The following MLLT3 variants were observed in gnomAD, a reference collection of about 807,000 sequenced individuals.
MLLT3 encodes the protein protein AF-9.
A neutral mutation model predicts 53.2 loss-of-function variants in MLLT3; 4 were observed. The observed-to-expected ratio is 0.08, with a 90% CI of 0.04 to 0.17. The LOEUF (loss-of-function observed/expected upper bound fraction) is 0.17, where lower values mean the gene tolerates loss of function less well. Among genes scored for constraint, MLLT3 ranks in the 10% least tolerant of loss-of-function variants. The probability of loss-of-function intolerance (pLI) is 1.00; values close to 1 mark genes in which losing one functional copy is unlikely to be tolerated. For missense variants in MLLT3, 569 were observed against 684.0 expected, an observed-to-expected ratio of 0.83 and a Z score of 1.87; for synonymous variants, 283 against 230.6, an observed-to-expected ratio of 1.23 and a Z score of -2.06.
intron 2 of MLLT3, among the ~76,000 whole-genome samples, chr9:20,517,460 A>G (rs1051786795): frequency 1.1e-4 from 16 of 152,100 alleles, no homozygotes; most frequent in Non-Finnish European, 4.4e-5. Flanking sequence ...TGTCTCAAAA[A>G]AAAAAAAAAG....
rs1327656991 is a variant in MLLT3, at chr9:20,420,501, T to TA, written c.421-6077dup. Among the ~76,000 whole-genome samples the TA allele has an allele frequency of 3.3e-5, 5 of 152,240 alleles. No individual in the cohort carries two copies. The South Asian group carries it at 6.2e-4, about 19-fold the overall frequency. The stretch of plus-strand genomic sequence containing the variant: ...TCAACGTTGAGAGTACCAAATAGGA[T>TA]AAAAAATGTAAAAATCTAAATTATA... On this transcript the variant is annotated intron_variant, in intron 4 of 10. Transcript: ENST00000380338.
chr9:20,438,993 A>G (rs1451841364), intron 4 of MLLT3, among the ~76,000 whole-genome samples: 2 of 152,172 alleles, frequency 1.3e-5, no homozygotes, highest in Admixed American at 6.6e-5. Context: ...CTATAGTGAA[A>G]GGGAAGGTGT....
chr9:20,412,776 G>GA (rs1822762258), intron 5 of MLLT3, among the ~76,000 whole-genome samples: 1 of 152,046 alleles, frequency 6.6e-6, no homozygotes, highest in East Asian at 1.9e-4. Context: ...GCCAAAATTA[G>GA]AAAAAATAGT....
At chr9:20,585,074 C>G (rs1819916131) in intron 2 of MLLT3, among the ~76,000 whole-genome samples, 1 of 152,136 alleles carries the variant, frequency 6.6e-6, no homozygotes, top group Non-Finnish European at 1.5e-5. Context: ...TTCAGGTTGC[C>G]TTAACAAAAT....
intron 5 of MLLT3, among the ~76,000 whole-genome samples, chr9:20,412,919 C>A (rs1203706822): frequency 1.3e-5 from 2 of 152,142 alleles, no homozygotes; most frequent in Non-Finnish European, 2.9e-5. Flanking sequence ...CTGAAAATCC[C>A]TTCCACTGCT....
chr9:20,608,861 C>T (rs546587294), intron 2 of MLLT3, among the ~76,000 whole-genome samples: 47 of 152,084 alleles, frequency 3.1e-4, no homozygotes, highest in African/African-American at 1.0e-3. Context: ...TAAGAAGTTC[C>T]TGATATCCCA....
At chr9:20,562,244 G>C (rs1178789464) in intron 2 of MLLT3, among the ~76,000 whole-genome samples, 1 of 151,940 alleles carries the variant, frequency 6.6e-6, no homozygotes, top group East Asian at 1.9e-4. Context: ...CCAGCCATTG[G>C]CTACACAGAA....
In MLLT3 at chr9:20,620,941, A is replaced by T; in HGVS notation, c.13-107T>A. The T allele has an allele frequency of 8.1e-7, 1 of 1,242,212 alleles. No homozygotes were observed. The highest frequency in any genetic ancestry group is 1.2e-6 in the Non-Finnish European group (1 of 867,888). The allele number at this position is 1,242,212 out of a possible 1,614,324, so 76.9% of individuals were successfully genotyped here. ...TCCTCCTTCTTGAAACGCACATAAA[A>T]GGAAACGGCGGTGCCCTCTGCATCC... On this transcript the variant is annotated intron_variant, in intron 1 of 10. Transcript: ENST00000380338. The surrounding 1 kb of genome is among the most constrained non-coding windows in gnomAD (Gnocchi z 6.1).
chr9:20,423,474 C>T (rs556707959), intron 4 of MLLT3, among the ~76,000 whole-genome samples: 1 of 152,160 alleles, frequency 6.6e-6, no homozygotes, highest in African/African-American at 2.4e-5. Context: ...CCCCCCATAT[C>T]CAAGGGTTCT....
chr9:20,496,401 C>G (rs2118930797), intron 2 of MLLT3, among the ~76,000 whole-genome samples: 1 of 152,256 alleles, frequency 6.6e-6, no homozygotes, highest in South Asian at 2.1e-4. Flanking sequence ...CTGGAAAGAT[C>G]TAGGCTTATA....
intron 2 of MLLT3, among the ~76,000 whole-genome samples, chr9:20,596,437 C>T (rs1280052374): frequency 6.6e-6 from 1 of 152,194 alleles, no homozygotes; most frequent in East Asian, 1.9e-4. Context: ...CGCCTATAAT[C>T]CCAGCACTTT....
At chr9:20,431,422 A>T (rs1463776700) in intron 4 of MLLT3, among the ~76,000 whole-genome samples, 1 of 152,134 alleles carries the variant, frequency 6.6e-6, no homozygotes, top group African/African-American at 2.4e-5. Flanking sequence ...TTCAAACAGA[A>T]CTGGTTTAGG....
chr9:20,410,229 G>A (rs564025857), intron 5 of MLLT3, among the ~76,000 whole-genome samples: 9 of 152,062 alleles, frequency 5.9e-5, no homozygotes, highest in African/African-American at 2.2e-4. Flanking sequence ...AAGGACACCA[G>A]AGTTCTGCAA....
chr9:20,407,046 C>A (rs1822596528), intron 5 of MLLT3, among the ~76,000 whole-genome samples: 1 of 152,178 alleles, frequency 6.6e-6, no homozygotes. Context: ...AAGAAAACAA[C>A]CCTCTGTCTA....
In MLLT3 at chr9:20,448,257, T is replaced by G. The variant is rs1346255789; in HGVS notation, c.286A>C (p.Arg96=). The change falls in exon 4 of 11, where the codon AGG becomes CGG. Residue 96 remains arginine, a synonymous_variant. Coordinates refer to ENST00000380338, the MANE Select transcript of MLLT3 (RefSeq NM_004529.4). This position sits in a 1 kb window ranked among gnomAD's most constrained non-coding sequence, Gnocchi z 4.0. ...AAGTCATAATCAAAGCGGACTTTCC[T>G]AGGTTCTTCCTGGAGGTTAACAAAA... is the stretch of plus-strand genomic sequence containing the variant. The part of the protein sequence containing the change: ...EVYFKNKEEP[R]KVRFDYDLFL... The G allele has an allele frequency of 6.2e-7, 1 of 1,612,816 alleles. No homozygotes were observed. Among genetic ancestry groups the G allele is most frequent in the South Asian group, 1.1e-5 (1 of 90,762 alleles).
chr9:20,594,207 C>G (rs1293616720), intron 2 of MLLT3, among the ~76,000 whole-genome samples: 1 of 152,106 alleles, frequency 6.6e-6, no homozygotes, highest in Non-Finnish European at 1.5e-5. Context: ...TCCCAAAGTG[C>G]TGGGATTACA....
In MLLT3 at chr9:20,620,955, C is replaced by A; in HGVS notation, c.13-121G>T. On this transcript the variant is annotated intron_variant, in intron 1 of 10. Transcript: ENST00000380338. This position sits in a 1 kb window ranked among gnomAD's most constrained non-coding sequence, Gnocchi z 6.1. Reference sequence around the variant, plus strand: ...ACGCACATAAAAGGAAACGGCGGTGCCCTCTGCATCCACGTTTCACGCGCG... The same window carrying A: ...ACGCACATAAAAGGAAACGGCGGTGACCTCTGCATCCACGTTTCACGCGCG... 8.9e-7 allele frequency: 1 copy of A among 1,123,118 alleles called. No individual in the cohort carries two copies. Among genetic ancestry groups the A allele is most frequent in the Non-Finnish European group, 1.3e-6 (1 of 765,184 alleles). The allele number at this position is 1,123,118 out of a possible 1,614,324, so 69.6% of individuals were successfully genotyped here.
intron 2 of MLLT3, among the ~76,000 whole-genome samples, chr9:20,600,557 T>C (rs752616272): frequency 1.3e-5 from 2 of 152,226 alleles, no homozygotes; most frequent in Non-Finnish European, 2.9e-5. Flanking sequence ...ATGTTTCTTC[T>C]CTATAGAGTG....
At chr9:20,483,528 T>A (rs1824721568) in intron 2 of MLLT3, among the ~76,000 whole-genome samples, 1 of 151,620 alleles carries the variant, frequency 6.6e-6, no homozygotes, top group African/African-American at 2.4e-5. Flanking sequence ...CCACTGTGCC[T>A]GGCCAATGAT....
Sources: gnomAD v4.1 joint callset for allele counts (sites outside exome capture counted in the v4.1 genomes callset) on GRCh38, gnomAD v4.1.1 for gene constraint, Gnocchi (gnomAD v3.1) non-coding constraint, MANE v1.5 for transcripts, NCBI Gene and HGNC (gene_info 2026-07-23, HGNC 2026-07-21) for gene names.